The following INO80D variants were observed in gnomAD, a reference collection of about 807,000 sequenced individuals.
The protein encoded by INO80D is INO80 complex subunit D.
Under a neutral mutation model 87.6 loss-of-function variants are expected in INO80D, and 21 were observed. The observed-to-expected ratio is 0.24, with a 90% CI of 0.17 to 0.35. The LOEUF is 0.35. Ranked by LOEUF, INO80D falls within the 10% of genes least tolerant of loss-of-function variation. INO80D has a pLI of 1.00. For missense variants in INO80D, 982 were observed against 1,280.7 expected, an observed-to-expected ratio of 0.77 and a Z score of 3.56; for synonymous variants, 440 against 491.0, an observed-to-expected ratio of 0.90 and a Z score of 1.37.
chr2:206,038,438 A>C (rs941971411), intron 5 of INO80D, among the ~76,000 whole-genome samples: 6 of 152,254 alleles, frequency 3.9e-5, no homozygotes, highest in African/African-American at 1.4e-4. Flanking sequence ...TAAAGCAACA[A>C]TATACTAGGT....
rs1559425361 is a variant in INO80D at position 206,001,183 on chromosome 2, A to G, written c.*3185T>C. The stretch of plus-strand genomic sequence containing the variant: ...AACAATGTCTTAAGTACTTTAATTA[A>G]AATAATATTAATAATTATGTAGAGA... On this transcript the variant is annotated 3_prime_UTR_variant, in exon 11 of 11. Coordinates refer to ENST00000403263, the MANE Select transcript of INO80D (RefSeq NM_017759.5). The G allele has an allele frequency of 6.6e-6, 1 of 152,226 alleles. No homozygotes were observed. The highest frequency in any genetic ancestry group is 1.5e-5 in the Non-Finnish European group (1 of 68,044). The allele number at this position is 152,226 out of a possible 1,614,324, so 9.4% of individuals were successfully genotyped here.
At chr2:206,031,349 G>T (rs1012558395) in intron 5 of INO80D, among the ~76,000 whole-genome samples, 1 of 152,004 alleles carries the variant, frequency 6.6e-6, no homozygotes, top group Non-Finnish European at 1.5e-5. Flanking sequence ...GAAAGTCAAT[G>T]ACTCAATGAC....
At chr2:206,065,369 C>T (rs144726133) in intron 1 of INO80D, among the ~76,000 whole-genome samples, 1 of 152,186 alleles carries the variant, frequency 6.6e-6, no homozygotes, top group African/African-American at 2.4e-5. Context: ...ACTGGGGAGG[C>T]TGAGGCAGGA....
chr2:206,064,352 G>A (rs1379624982), intron 1 of INO80D, among the ~76,000 whole-genome samples: 1 of 152,152 alleles, frequency 6.6e-6, no homozygotes, highest in Non-Finnish European at 1.5e-5. Context: ...ATCTTAGTGA[G>A]CTGATGGAGT....
chr2:206,061,049 A>G (rs1689677083), intron 3 of INO80D, among the ~76,000 whole-genome samples: 1 of 151,604 alleles, frequency 6.6e-6, no homozygotes, highest in South Asian at 2.1e-4. Context: ...GGTCTTGTTC[A>G]GTTGCCCAAG....
chr2:206,061,463 C>A (rs1240368183), intron 3 of INO80D, among the ~76,000 whole-genome samples: 1 of 152,124 alleles, frequency 6.6e-6, no homozygotes, highest in Non-Finnish European at 1.5e-5. Flanking sequence ...CAAGCTCATC[C>A]ATTCTTCAAG....
intron 5 of INO80D, among the ~76,000 whole-genome samples, chr2:206,036,689 T>G (rs1688904821): frequency 6.6e-6 from 1 of 152,076 alleles, no homozygotes. Flanking sequence ...AAATACCACC[T>G]GTACCCCAAT....
At chr2:206,058,552 T>C (rs1372320410) in intron 3 of INO80D, among the ~76,000 whole-genome samples, 1 of 151,096 alleles carries the variant, frequency 6.6e-6, no homozygotes, top group Non-Finnish European at 1.5e-5. Context: ...TTGGCCAACA[T>C]GGTGAAACCC....
At chr2:206,060,532 CAA>C (rs140826666) in intron 3 of INO80D, among the ~76,000 whole-genome samples, 4 of 136,654 alleles carry the variant, frequency 2.9e-5, no homozygotes, top group African/African-American at 5.2e-5. Context: ...GAGACTCCGT[CAA>C]AAAAAAAAAA....
chr2:206,014,585 G>A (rs1302479545), intron 8 of INO80D, among the ~76,000 whole-genome samples: 2 of 152,064 alleles, frequency 1.3e-5, no homozygotes, highest in Non-Finnish European at 2.9e-5. Flanking sequence ...CTTCTGCCGT[G>A]ATTGTGAGGC....
Position 206,028,142 on chromosome 2 carries a change from C to T in INO80D, c.1267G>A (p.Glu423Lys), listed in dbSNP as rs765050811. The T allele has an allele frequency of 9.0e-6, 14 of 1,559,562 alleles. No homozygotes were observed. The Middle Eastern group carries it at 5.8e-4, about 65-fold the overall frequency. Residue 423 changes from glutamate (E) to lysine (K), a missense_variant, in exon 6 of 11, where the codon GAA becomes AAA. Transcript: ENST00000403263. ...EPECTGQLIQ[E>K]LRRAACSRTS... is the part of the protein sequence containing the mutation. ...CGACTGCATGCAGCTCTCCGCAGTT[C>T]TTGTATTAACTGACCAGTGCATTCT...
At chr2:206,006,961 C>T (rs542351222) in intron 10 of INO80D, among the ~76,000 whole-genome samples, 2 of 152,284 alleles carry the variant, frequency 1.3e-5, no homozygotes, top group Admixed American at 1.3e-4. Context: ...GCGAAAGAAT[C>T]GCTTGAACCC....
chr2:206,010,086 C>T (rs928604081), intron 8 of INO80D, among the ~76,000 whole-genome samples: 7 of 151,632 alleles, frequency 4.6e-5, no homozygotes, highest in Admixed American at 3.3e-4. Context: ...CACACACACA[C>T]GCACACACAC....
intron 1 of INO80D, among the ~76,000 whole-genome samples, chr2:206,067,424 T>C (rs528373431): frequency 9.9e-5 from 15 of 152,136 alleles, no homozygotes; most frequent in South Asian, 2.1e-4. Context: ...TAGTTAACAA[T>C]AATTATTATA....
chr2:206,082,166 A>G (rs1361598770), intron 1 of INO80D, among the ~76,000 whole-genome samples: 2 of 152,128 alleles, frequency 1.3e-5, no homozygotes, highest in Non-Finnish European at 2.9e-5. Flanking sequence ...GATTACAGGC[A>G]TACACCACCA....
rs1333319563 is a variant in INO80D, at chr2:206,028,388, T to C, written c.1074-53A>G. 4.3e-6 allele frequency: 6 copies of C among 1,401,788 alleles called. No individual in the cohort carries two copies. In the African/African-American group the frequency reaches 8.6e-5, roughly 20 times the overall value. The allele number at this position is 1,401,788 out of a possible 1,614,324, so 86.8% of individuals were successfully genotyped here. ...AACTGATTACACATTAGGCTCATTT[T>C]AGACAGGGTAAACGAGAATTAGGAA... On this transcript the variant is annotated intron_variant, in intron 5 of 10. Transcript: ENST00000403263.
At chr2:206,011,461 G>A (rs915175115) in intron 8 of INO80D, among the ~76,000 whole-genome samples, 3 of 152,174 alleles carry the variant, frequency 2.0e-5, no homozygotes, top group Non-Finnish European at 4.4e-5. Flanking sequence ...GAGAGCTAGA[G>A]CCCCCACCCC....
Position 206,015,569 on chromosome 2 carries a change from C to T in INO80D, c.1542+2111G>A, listed in dbSNP as rs572461133. On this transcript the variant is annotated intron_variant, in intron 8 of 10. Coordinates refer to ENST00000403263, the MANE Select transcript of INO80D (RefSeq NM_017759.5). ...TCAAGAATTGAGGCTTGGGAACCTC[C>T]GCCTAGAATACAGAAGATGTATAGA... Among the ~76,000 whole-genome samples the T allele has an allele frequency of 7.2e-5, 11 of 152,294 alleles. No homozygotes were observed. The South Asian group carries it at 1.2e-3, about 17-fold the overall frequency.
intron 8 of INO80D, among the ~76,000 whole-genome samples, chr2:206,015,847 A>G (rs1032488082): frequency 1.3e-5 from 2 of 152,012 alleles, no homozygotes; most frequent in African/African-American, 4.8e-5. Flanking sequence ...AGATCAAACC[A>G]CTGCACTGCA....
Sources: gnomAD v4.1 joint callset for allele counts (sites outside exome capture counted in the v4.1 genomes callset) on GRCh38, gnomAD v4.1.1 for gene constraint, MANE v1.5 for transcripts, NCBI Gene and HGNC (gene_info 2026-07-23, HGNC 2026-07-21) for gene names.